Variants in CPLANE1 observed in about 807,000 individuals in gnomAD.
The protein encoded by CPLANE1 is ciliogenesis and planar polarity effector complex subunit 1, also known as ciliogenesis and planar polarity effector 1.
A neutral mutation model predicts 362.5 loss-of-function variants in CPLANE1; 263 were observed. The ratio of observed to expected loss-of-function variants is 0.73; its 90% CI spans 0.66 to 0.80. The LOEUF (loss-of-function observed/expected upper bound fraction) is 0.80. Ranked by LOEUF, CPLANE1 falls within the 30% of genes least tolerant of loss-of-function variation. The pLI, the probability that CPLANE1 is intolerant of heterozygous loss-of-function variation, is 0.00. For missense variants in CPLANE1, 3,461 were observed against 3,793.4 expected (o/e 0.91, Z 2.30); for synonymous variants, 1,212 against 1,302.6 (o/e 0.93, Z 1.50).
chr5:37,158,719 T>A (rs1775913669), intron 38 of CPLANE1, among the ~76,000 whole-genome samples: 1 of 150,986 alleles, frequency 6.6e-6, no homozygotes, highest in African/African-American at 2.4e-5. Context: ...TATAACTAAT[T>A]TTTTTTTAAC....
rs576923188 is a variant in CPLANE1 at position 37,239,842 on chromosome 5, A to G, written c.705T>C (p.Ala235=). 4 of 1,524,108 alleles carry G rather than the reference A, an allele frequency of 2.6e-6. No individual in the cohort carries two copies. Among genetic ancestry groups the G allele is most frequent in the African/African-American group, 1.4e-5 (1 of 72,700 alleles). 94.4% of individuals were successfully genotyped at this position (1,524,108 alleles called of 1,614,324 possible). A position where few individuals can be genotyped will look rare whatever the true frequency, so the allele number is the denominator to read the frequency against. ...VRSLPYHVHW[A]QQDCHLCSLI... is the part of the protein sequence containing the mutation. ...AACTACAGAGATGACAGTCTTGTTGAGCCCAATGAACATGGTATGGCAATG... is the reference window on the plus strand; with the variant it reads ...AACTACAGAGATGACAGTCTTGTTGGGCCCAATGAACATGGTATGGCAATG... The change falls in exon 7 of 53, where the codon GCT becomes GCC. Residue 235 remains alanine (A), a synonymous_variant. Transcript: ENST00000651892.
At chr5:37,086,895 A>G in the CPLANE1 span, among the ~76,000 whole-genome samples, 2 of 152,202 alleles carry the variant, frequency 1.3e-5, no homozygotes, top group African/African-American at 4.8e-5. Flanking sequence ...GATGTGACCA[A>G]CACTGCAAAG....
intron 46 of CPLANE1, among the ~76,000 whole-genome samples, chr5:37,129,931 G>T (rs1336205143): frequency 6.6e-6 from 1 of 152,162 alleles, no homozygotes; most frequent in Non-Finnish European, 1.5e-5. Context: ...ATATGAAAAA[G>T]ATACTTACAC....
At chr5:37,083,510 A>G in the CPLANE1 span, among the ~76,000 whole-genome samples, 11 of 152,236 alleles carry the variant, frequency 7.2e-5, no homozygotes, top group African/African-American at 2.4e-4. Context: ...GCAAAGCCCA[A>G]TGTAAGGAAA....
Position 37,158,337 on chromosome 5 carries a change from G to T in CPLANE1, c.7699C>A (p.Pro2567Thr). The T allele has an allele frequency of 6.2e-7, 1 of 1,610,988 alleles. No homozygotes were observed. Among genetic ancestry groups the T allele is most frequent in the Non-Finnish European group, 8.5e-7 (1 of 1,178,808 alleles). Residue 2567 changes from proline to threonine, a missense_variant, in exon 39 of 53, where the codon CCT (proline) becomes ACT (threonine). Pro to Thr is a conservative substitution (Grantham distance 38, BLOSUM62 -1). Around this residue, in one of 2 missense-constraint regions of CPLANE1, gnomAD observed 3,380 missense variants for 3,666.1 expected, o/e 0.92. Coordinates refer to ENST00000651892, the MANE Select transcript of CPLANE1 (RefSeq NM_001384732.1). The stretch of plus-strand genomic sequence containing the variant: ...ACCAAGAGCTGAGGAGCAGTCAAAG[G>T]CTCATGTTCTGAAAATTAAAAAAGA... The part of the protein sequence containing the change: ...ASTNTDPEHE[P>T]LTAPQLLVPD...
intron 44 of CPLANE1, chr5:37,140,292 A>C: frequency 2.1e-6 from 2 of 971,588 alleles, no homozygotes; most frequent in South Asian, 4.8e-5. Context: ...ATCTGTCCCT[A>C]AGACTTACAC....
intron 41 of CPLANE1, among the ~76,000 whole-genome samples, chr5:37,155,379 C>A (rs557471585): frequency 6.6e-6 from 1 of 152,164 alleles, no homozygotes; most frequent in Admixed American, 6.5e-5. Context: ...CTTTAATTTT[C>A]TTTTCTTTTC....
chr5:37,245,622 T>C, intron 3 of CPLANE1, 24 bp from the exon 4 acceptor site: 2 of 1,503,650 alleles, frequency 1.3e-6, no homozygotes, highest in Non-Finnish European at 8.9e-7. Context: ...TGAAATGCAA[T>C]ACTTACAATC....
At chr5:37,214,271 C>T (rs540769686) in intron 15 of CPLANE1, among the ~76,000 whole-genome samples, 1 of 152,200 alleles carries the variant, frequency 6.6e-6, no homozygotes, top group African/African-American at 2.4e-5. Flanking sequence ...TTGAGACCAG[C>T]CTGGGCAACA....
intron 43 of CPLANE1, among the ~76,000 whole-genome samples, chr5:37,147,829 CACAG>C (rs1213899889): frequency 6.6e-6 from 1 of 152,062 alleles, no homozygotes; most frequent in South Asian, 2.1e-4. Context: ...AGCTGATGAT[CACAG>C]ACAAACAGCA....
downstream of CPLANE1, among the ~76,000 whole-genome samples, chr5:37,102,029 A>C (rs1052674454): frequency 2.2e-5 from 3 of 136,994 alleles, no homozygotes; most frequent in African/African-American, 9.0e-5. Context: ...TAATTTTTTC[A>C]AAAAAAAAAA....
At chr5:37,193,338 G>A (rs146544264) in intron 21 of CPLANE1, among the ~76,000 whole-genome samples, 4 of 151,804 alleles carry the variant, frequency 2.6e-5, no homozygotes, top group South Asian at 2.1e-4. Flanking sequence ...TAAATTTTCC[G>A]TAATAAAAAA....
intron 21 of CPLANE1, 129 bp from the exon 22 acceptor site, chr5:37,187,971 A>G: frequency 2.0e-6 from 1 of 508,654 alleles, no homozygotes; most frequent in South Asian, 5.2e-5. Flanking sequence ...AAATGAACAC[A>G]TGCTCATTGT....
chr5:37,125,473 A>G, intron 46 of CPLANE1, 64 bp from the exon 47 acceptor site: 1 of 1,443,156 alleles, frequency 6.9e-7, no homozygotes, highest in East Asian at 2.3e-5. Flanking sequence ...AAGATATATC[A>G]TGACTAAACA....
chr5:37,148,391 C>CTGT, intron 42 of CPLANE1, 123 bp from the exon 43 acceptor site: 1 of 587,414 alleles, frequency 1.7e-6, no homozygotes, highest in Non-Finnish European at 2.8e-6. Context: ...GGGATTAAAT[C>CTGT]CAATATAAGC....
rs1770548568 is a variant in CPLANE1 at position 37,143,827 on chromosome 5, TGGAAGG to T, written c.8462-1353_8462-1348del. 2.0e-5 allele frequency among the ~76,000 whole-genome samples: 3 copies of T among 150,348 alleles called. 1 individual carries two copies. The South Asian group carries it at 6.2e-4, about 31-fold the overall frequency. Reference sequence around the variant, plus strand: ...GCACACGCCTGTAATCACAGCTACTTGGAAGGCTGAGACAGGAGAATCACTTGAACC... The same window carrying T: ...GCACACGCCTGTAATCACAGCTACTTCTGAGACAGGAGAATCACTTGAACC... On this transcript the variant is annotated intron_variant, in intron 43 of 52. Transcript: ENST00000651892.
At chr5:37,077,427 T>C in the CPLANE1 span, among the ~76,000 whole-genome samples, 3 of 152,160 alleles carry the variant, frequency 2.0e-5, no homozygotes, top group African/African-American at 7.2e-5. Flanking sequence ...TTGTCTTCTG[T>C]CTTCTGAAAA....
chr5:37,212,275 C>T, intron 16 of CPLANE1: 2 of 1,281,858 alleles, frequency 1.6e-6, no homozygotes, highest in South Asian at 2.4e-5. Context: ...GATAAGAGCT[C>T]AAAAAAGATG....
At chr5:37,170,413 C>G in intron 32 of CPLANE1, 82 bp from the exon 33 acceptor site, 1 of 1,283,634 alleles carries the variant, frequency 7.8e-7, no homozygotes, top group Non-Finnish European at 1.1e-6. Context: ...TCTGAGTATT[C>G]TACAATAGTC....
Sources: allele counts gnomAD v4.1 joint callset (sites outside exome capture counted in the v4.1 genomes callset), GRCh38; gene constraint gnomAD v4.1.1; regional missense constraint gnomAD v4.1.1; transcripts MANE v1.5; gene names NCBI Gene and HGNC (gene_info 2026-07-23, HGNC 2026-07-21).